Variants in TRIM44 observed in about 807,000 individuals in gnomAD.
TRIM44 encodes tripartite motif containing 44, also known as tripartite motif-containing protein 44.
TRIM44 carries 13 observed loss-of-function variants against 37.4 expected under a neutral mutation model. That is an observed-to-expected ratio of 0.35 (90% confidence interval 0.23 to 0.55). The LOEUF (loss-of-function observed/expected upper bound fraction) is 0.55, where lower values mean the gene tolerates loss of function less well. Among genes scored for constraint, TRIM44 ranks in the 20% least tolerant of loss-of-function variants. TRIM44 has a pLI of 0.89. For synonymous variants in TRIM44, 175 were observed against 157.2 expected (o/e 1.11, Z -0.85); for missense variants, 426 against 437.2 (o/e 0.97, Z 0.23).
At chr11:35,763,888 C>T (rs1217351218) in intron 4 of TRIM44, among the ~76,000 whole-genome samples, 2 of 152,176 alleles carry the variant, frequency 1.3e-5, no homozygotes, top group African/African-American at 4.8e-5. Flanking sequence ...GGAACTAATG[C>T]AGCCTTGTGT....
At chr11:35,777,954 G>C (rs182278948) in intron 4 of TRIM44, among the ~76,000 whole-genome samples, 4 of 152,252 alleles carry the variant, frequency 2.6e-5, no homozygotes, top group African/African-American at 9.6e-5. Context: ...TGTTCTCAAG[G>C]AGTATCTTTG....
chr11:35,673,184 G>A (rs1490435729), intron 1 of TRIM44, among the ~76,000 whole-genome samples: 1 of 152,168 alleles, frequency 6.6e-6, no homozygotes, highest in Non-Finnish European at 1.5e-5. Flanking sequence ...TCATGGTAAT[G>A]TAAGAATGAG....
At chr11:35,711,663 G>A (rs915256283) in intron 2 of TRIM44, among the ~76,000 whole-genome samples, 3 of 152,046 alleles carry the variant, frequency 2.0e-5, no homozygotes, top group African/African-American at 7.2e-5. Context: ...GACTGAGGTG[G>A]GAGGATCTCT....
chr11:35,697,785 A>T (rs9667217), intron 2 of TRIM44, among the ~76,000 whole-genome samples: 151,708 of 151,744 alleles, frequency 1, 75,836 homozygotes, highest in Middle Eastern at 1. Context: ...ACATGAACTC[A>T]TCATTTTTTA....
chr11:35,798,167 T>A (rs1308524304), intron 4 of TRIM44, among the ~76,000 whole-genome samples: 1 of 152,226 alleles, frequency 6.6e-6, no homozygotes, highest in East Asian at 1.9e-4. Context: ...GACAAATGGT[T>A]GCATTCTTTT....
At chr11:35,728,713 A>G (rs536503007) in intron 3 of TRIM44, among the ~76,000 whole-genome samples, 203 of 152,322 alleles carry the variant, frequency 1.3e-3, no homozygotes, top group Non-Finnish European at 2.1e-3. Context: ...GAATTCAGCC[A>G]TAAGACCTTC....
intron 4 of TRIM44, among the ~76,000 whole-genome samples, chr11:35,775,610 G>C (rs1590591486): frequency 6.6e-6 from 1 of 152,084 alleles, no homozygotes; most frequent in South Asian, 2.1e-4. Flanking sequence ...GTGGGTTTGT[G>C]ATAAATAGCT....
In TRIM44 at chr11:35,718,016, T is replaced by A. The variant is rs377667281; in HGVS notation, c.748-7908T>A. ...ACCAGGAATCTAACTCAGTAGTTGT[T>A]AGGATGAGATAGCCAAAATAAGAAG... On this transcript the variant is annotated intron_variant, in intron 2 of 4. Transcript: ENST00000299413. Among the ~76,000 whole-genome samples, 252 of 152,250 alleles carry A rather than the reference T, an allele frequency of 1.7e-3. 2 individuals carry two copies. The South Asian group carries it at 0.049, about 30-fold the overall frequency.
chr11:35,685,905 G>A lies in TRIM44; in HGVS notation c.747+569G>A, dbSNP rs368022687. 7.2e-5 allele frequency among the ~76,000 whole-genome samples: 11 copies of A among 152,196 alleles called. No individual in the cohort carries two copies. The East Asian group carries it at 2.1e-3, about 29-fold the overall frequency. On this transcript the variant is annotated intron_variant, in intron 2 of 4. Transcript: ENST00000299413. ...TCTCGAACTCCTGACCTCGTGATCC[G>A]CCCTCCTCGTCCTCCCAAAGTGCTG...
At chr11:35,697,485 G>T (rs1851719841) in intron 2 of TRIM44, among the ~76,000 whole-genome samples, 1 of 147,616 alleles carries the variant, frequency 6.8e-6, no homozygotes, top group African/African-American at 2.5e-5. Context: ...TAAGTTTTAG[G>T]GTACATGTGC....
chr11:35,665,585 TG>T (rs1565400702), intron 1 of TRIM44, among the ~76,000 whole-genome samples: 3 of 102,862 alleles, frequency 2.9e-5, no homozygotes, highest in Admixed American at 1.0e-4. Flanking sequence ...TTTATATATC[TG>T]TTTTTTTTTT....
intron 4 of TRIM44, among the ~76,000 whole-genome samples, chr11:35,792,392 C>A (rs1009276589): frequency 6.6e-6 from 1 of 152,232 alleles, no homozygotes; most frequent in Non-Finnish European, 1.5e-5. Context: ...GCCAAAGTTA[C>A]ACAGCTCAGA....
chr11:35,669,556 A>G (rs1430901524), intron 1 of TRIM44, among the ~76,000 whole-genome samples: 3 of 151,746 alleles, frequency 2.0e-5, no homozygotes, highest in Non-Finnish European at 4.4e-5. Context: ...GCTCACTGCA[A>G]CCTCCACCTC....
chr11:35,673,319 T>C (rs1220203899), intron 1 of TRIM44, among the ~76,000 whole-genome samples: 1 of 152,192 alleles, frequency 6.6e-6, no homozygotes, highest in African/African-American at 2.4e-5. Flanking sequence ...TTTCCTATTG[T>C]GTTACCATTC....
chr11:35,678,623 C>A (rs1369790481), intron 1 of TRIM44, among the ~76,000 whole-genome samples: 1 of 152,052 alleles, frequency 6.6e-6, no homozygotes, highest in Admixed American at 6.6e-5. Context: ...CTCCCCTCCC[C>A]ATTCTCTTAG....
rs1418814463 is a variant in TRIM44, at chr11:35,815,598, A to G, written c.*9213A>G. The G allele has an allele frequency of 1.3e-5, 2 of 152,236 alleles. No individual in the cohort carries two copies. The highest frequency in any genetic ancestry group is 2.9e-5 in the Non-Finnish European group (2 of 68,042). The allele number at this position is 152,236 out of a possible 1,614,324, so 9.4% of individuals were successfully genotyped here. Reference sequence around the variant, plus strand: ...GGAAGATTCTGACCTGTCTGATCAAATAAAGGCATTCCTCTGAGAGTATAC... The same window carrying G: ...GGAAGATTCTGACCTGTCTGATCAAGTAAAGGCATTCCTCTGAGAGTATAC... On this transcript the variant is annotated 3_prime_UTR_variant, in exon 5 of 5. Transcript: ENST00000299413.
At chr11:35,666,825 T>C (rs187420204) in intron 1 of TRIM44, among the ~76,000 whole-genome samples, 1 of 150,312 alleles carries the variant, frequency 6.7e-6, no homozygotes, top group East Asian at 1.9e-4. Flanking sequence ...TTAACTTTTA[T>C]ATATTGTTTT....
At chr11:35,670,805 GGAATTGTAAA>G (rs1198917273) in intron 1 of TRIM44, among the ~76,000 whole-genome samples, 1 of 152,144 alleles carries the variant, frequency 6.6e-6, no homozygotes, top group Non-Finnish European at 1.5e-5. Context: ...TGTGTTTGAA[GGAATTGTAAA>G]GACTGGAGTA....
chr11:35,699,889 C>A (rs1249961387), intron 2 of TRIM44, among the ~76,000 whole-genome samples: 2 of 152,072 alleles, frequency 1.3e-5, no homozygotes, highest in African/African-American at 2.4e-5. Context: ...ATCCAACTTA[C>A]AAGGGACGTG....
Sources: gnomAD v4.1 joint callset for allele counts (sites outside exome capture counted in the v4.1 genomes callset) on GRCh38, gnomAD v4.1.1 for gene constraint, MANE v1.5 for transcripts, NCBI Gene and HGNC (gene_info 2026-07-23, HGNC 2026-07-21) for gene names.